Variants in CCSER1 observed in about 807,000 individuals in gnomAD.
CCSER1 encodes the protein serine-rich coiled-coil domain-containing protein 1.
CCSER1 carries 41 observed loss-of-function variants against 82.0 expected under a neutral mutation model. That is an observed-to-expected ratio of 0.50 (90% CI 0.39 to 0.65). The LOEUF is 0.65. Ranked by LOEUF, CCSER1 falls within the 30% of genes least tolerant of loss-of-function variation. CCSER1 has a pLI of 0.00. For missense variants in CCSER1, 1,119 were observed against 1,064.2 expected, an observed-to-expected ratio of 1.05 and a Z score of -0.72; for synonymous variants, 414 against 383.9, an observed-to-expected ratio of 1.08 and a Z score of -0.92.
chr4:91,350,123 T>C (rs997702961), intron 10 of CCSER1, among the ~76,000 whole-genome samples: 1 of 142,898 alleles, frequency 7.0e-6, no homozygotes, highest in Non-Finnish European at 1.5e-5. Context: ...AAACCTTTAA[T>C]ACATAAATTA....
chr4:91,421,808 T>TAA (rs370533253), intron 10 of CCSER1, among the ~76,000 whole-genome samples: 2 of 144,076 alleles, frequency 1.4e-5, no homozygotes, highest in Non-Finnish European at 1.5e-5. Flanking sequence ...TAAAAAAAGT[T>TAA]AAAAAAAAAA....
chr4:91,569,288 C>T (rs1314047721), intron 10 of CCSER1, among the ~76,000 whole-genome samples: 3 of 152,084 alleles, frequency 2.0e-5, no homozygotes, highest in Non-Finnish European at 4.4e-5. Flanking sequence ...TGAGTGCTGG[C>T]TGTAGATTGC....
At chr4:90,429,363 C>T (rs543201457) in intron 4 of CCSER1, among the ~76,000 whole-genome samples, 2 of 151,846 alleles carry the variant, frequency 1.3e-5, no homozygotes, top group South Asian at 4.1e-4. Context: ...GGCAATCCAT[C>T]AGAAGATAGT....
At chr4:91,404,920 G>A (rs529237325) in intron 10 of CCSER1, among the ~76,000 whole-genome samples, 1 of 152,282 alleles carries the variant, frequency 6.6e-6, no homozygotes, top group Non-Finnish European at 1.5e-5. Flanking sequence ...TCCACTTGGT[G>A]CAGAGCTGAG....
At chr4:90,448,267 T>C (rs1011191807) in intron 4 of CCSER1, among the ~76,000 whole-genome samples, 1 of 151,684 alleles carries the variant, frequency 6.6e-6, no homozygotes, top group Non-Finnish European at 1.5e-5. Context: ...TATCTTATGT[T>C]TGGATAATTC....
intron 2 of CCSER1, among the ~76,000 whole-genome samples, chr4:90,310,568 T>C (rs1028835352): frequency 2.2e-4 from 34 of 152,104 alleles, no homozygotes; most frequent in Non-Finnish European, 2.9e-5. Flanking sequence ...ATAAACTGTG[T>C]GTCCACAATC....
At chr4:91,084,085 C>T (rs1396795446) in intron 9 of CCSER1, among the ~76,000 whole-genome samples, 1 of 152,058 alleles carries the variant, frequency 6.6e-6, no homozygotes, top group Non-Finnish European at 1.5e-5. Context: ...CACCCACCAC[C>T]ACACCCAGCT....
chr4:90,660,141 G>T (rs1730488634), intron 6 of CCSER1, among the ~76,000 whole-genome samples: 1 of 151,948 alleles, frequency 6.6e-6, no homozygotes. Flanking sequence ...AAAGAAATAA[G>T]TATATAACTA....
At chr4:90,979,768 A>C (rs1031094552) in intron 9 of CCSER1, among the ~76,000 whole-genome samples, 1 of 151,864 alleles carries the variant, frequency 6.6e-6, no homozygotes, top group African/African-American at 2.4e-5. Context: ...CGCGATGAAT[A>C]GAGCTCCATT....
rs568555705 is a variant in CCSER1 at position 91,030,305 on chromosome 4, G to A, written c.2173-55645G>A. Among the ~76,000 whole-genome samples the A allele has an allele frequency of 5.3e-5, 8 of 152,054 alleles. No individual in the cohort carries two copies. The South Asian group carries it at 6.2e-4, about 12-fold the overall frequency. On this transcript the variant is annotated intron_variant, in intron 9 of 10. Coordinates refer to ENST00000509176, the MANE Select transcript of CCSER1 (RefSeq NM_001145065.2). Reference sequence around the variant, plus strand: ...CAACATTGTCCAAATGAACACTGGCGATGATGGAAATATTCCATATTTACT... The same window carrying A: ...CAACATTGTCCAAATGAACACTGGCAATGATGGAAATATTCCATATTTACT...
At chr4:91,195,742 T>C (rs1735353367) in intron 10 of CCSER1, among the ~76,000 whole-genome samples, 1 of 152,194 alleles carries the variant, frequency 6.6e-6, no homozygotes, top group Non-Finnish European at 1.5e-5. Context: ...AAGATTGTCT[T>C]TCTCATATCT....
intron 5 of CCSER1, among the ~76,000 whole-genome samples, chr4:90,529,044 T>G (rs1016014680): frequency 1.3e-5 from 2 of 152,102 alleles, no homozygotes; most frequent in African/African-American, 4.8e-5. Context: ...CTATTCTTGC[T>G]GACTAAATTT....
At chr4:91,414,048 CTT>C (rs930301750) in intron 10 of CCSER1, among the ~76,000 whole-genome samples, 2 of 152,064 alleles carry the variant, frequency 1.3e-5, no homozygotes, top group African/African-American at 4.8e-5. Context: ...AAAAGGAAGT[CTT>C]TGAGTTGAAA....
chr4:91,536,588 G>C lies in CCSER1; in HGVS notation c.2218-61984G>C, dbSNP rs1026179335. 3.9e-5 allele frequency among the ~76,000 whole-genome samples: 6 copies of C among 152,078 alleles called. No homozygotes were observed. The South Asian group carries it at 1.2e-3, about 31-fold the overall frequency. ...GGCAGGAGATTTAAAGGATCAAGGA[G>C]AGTGACTTTGGATAATTTATTGCTT... On this transcript the variant is annotated intron_variant, in intron 10 of 10. Transcript: ENST00000509176.
chr4:91,498,624 T>C (rs1392611407), intron 10 of CCSER1, among the ~76,000 whole-genome samples: 1 of 151,836 alleles, frequency 6.6e-6, no homozygotes, highest in Non-Finnish European at 1.5e-5. Flanking sequence ...AAATAAACTT[T>C]ATAATTTTAT....
At chr4:91,144,069 T>C (rs1729307276) in intron 10 of CCSER1, among the ~76,000 whole-genome samples, 1 of 151,992 alleles carries the variant, frequency 6.6e-6, no homozygotes, top group Non-Finnish European at 1.5e-5. Context: ...TCTTCTTTGT[T>C]TATCTGGCAG....
At chr4:91,568,584 A>AG (rs1256105218) in intron 10 of CCSER1, among the ~76,000 whole-genome samples, 2 of 152,252 alleles carry the variant, frequency 1.3e-5, no homozygotes, top group East Asian at 3.9e-4. Context: ...GTCTTATTTC[A>AG]GAAAACCAGT....
At chr4:91,135,094 C>T (rs564660931) in intron 10 of CCSER1, among the ~76,000 whole-genome samples, 2 of 151,820 alleles carry the variant, frequency 1.3e-5, no homozygotes, top group East Asian at 1.9e-4. Context: ...ACTTAATTTT[C>T]CCCCCACTTA....
At chr4:91,167,053 A>G (rs1398906115) in intron 10 of CCSER1, among the ~76,000 whole-genome samples, 3 of 152,172 alleles carry the variant, frequency 2.0e-5, no homozygotes, top group Admixed American at 6.5e-5. Flanking sequence ...ACAAAGACAA[A>G]TATCTATGAA....
Sources: allele counts gnomAD v4.1 joint callset (sites outside exome capture counted in the v4.1 genomes callset), GRCh38; gene constraint gnomAD v4.1.1; transcripts MANE v1.5; gene names NCBI Gene and HGNC (gene_info 2026-07-23, HGNC 2026-07-21).